Variants in MAN2A1 observed in about 807,000 individuals in gnomAD.
MAN2A1 encodes the protein alpha-mannosidase 2.
MAN2A1 carries 76 observed loss-of-function variants against 142.6 expected under a neutral mutation model. The ratio of observed to expected loss-of-function variants is 0.53; its 90% CI spans 0.44 to 0.65. The LOEUF (loss-of-function observed/expected upper bound fraction) is 0.65. Among genes scored for constraint, MAN2A1 ranks in the 30% least tolerant of loss-of-function variants. The pLI is 0.00. For synonymous variants in MAN2A1, 559 were observed against 473.2 expected (o/e 1.18, Z -2.35); for missense variants, 1,311 against 1,365.1 (o/e 0.96, Z 0.62).
At chr5:109,797,382 G>T (rs562940528) in intron 12 of MAN2A1, among the ~76,000 whole-genome samples, 1 of 152,214 alleles carries the variant, frequency 6.6e-6, no homozygotes, top group African/African-American at 2.4e-5. Flanking sequence ...ATTTGGAAGA[G>T]GAGAGGAGTG....
chr5:109,773,985 TATTCTCA>T (rs2112656282), intron 7 of MAN2A1, among the ~76,000 whole-genome samples: 1 of 152,306 alleles, frequency 6.6e-6, no homozygotes, highest in South Asian at 2.1e-4. Flanking sequence ...TCTTAGTTTG[TATTCTCA>T]GACTTTCTTA....
intron 12 of MAN2A1, among the ~76,000 whole-genome samples, chr5:109,797,123 A>G (rs1009139263): frequency 6.6e-6 from 1 of 152,202 alleles, no homozygotes; most frequent in Non-Finnish European, 1.5e-5. Flanking sequence ...CTTTGAGGAT[A>G]AGTGATTGAA....
At chr5:109,835,264 C>G (rs541811181) in intron 16 of MAN2A1, among the ~76,000 whole-genome samples, 1 of 152,000 alleles carries the variant, frequency 6.6e-6, no homozygotes, top group South Asian at 2.1e-4. Flanking sequence ...ATCAGAAGCC[C>G]TAGTTTTTTC....
intron 3 of MAN2A1, among the ~76,000 whole-genome samples, chr5:109,716,567 T>TA (rs1422157235): frequency 1.3e-5 from 2 of 152,212 alleles, no homozygotes; most frequent in African/African-American, 2.4e-5. Flanking sequence ...AGTAACTTTT[T>TA]AAAAAATATT....
intron 13 of MAN2A1, 79 bp downstream of exon 13, chr5:109,817,517 C>T: frequency 7.5e-7 from 1 of 1,337,536 alleles, no homozygotes; most frequent in Non-Finnish European, 1.0e-6. Flanking sequence ...GTACAGTAGC[C>T]CCCATTTAGC....
chr5:109,777,461 T>G (rs1276252833), intron 8 of MAN2A1, among the ~76,000 whole-genome samples: 2 of 152,120 alleles, frequency 1.3e-5, no homozygotes, highest in East Asian at 3.8e-4. Flanking sequence ...ACATTTTGAA[T>G]TCTATCTTTT....
intron 2 of MAN2A1, among the ~76,000 whole-genome samples, chr5:109,714,415 T>G (rs1386341392): frequency 6.6e-6 from 1 of 152,224 alleles, no homozygotes; most frequent in Non-Finnish European, 1.5e-5. Flanking sequence ...TTGGATATAC[T>G]GGATTAATGA....
At chr5:109,717,222 T>C (rs1751481857) in intron 3 of MAN2A1, among the ~76,000 whole-genome samples, 1 of 152,238 alleles carries the variant, frequency 6.6e-6, no homozygotes, top group Admixed American at 6.5e-5. Flanking sequence ...AGCATTCATT[T>C]ATCTTCTACT....
chr5:109,768,215 A>G (rs1357299682), intron 6 of MAN2A1, among the ~76,000 whole-genome samples: 3 of 146,222 alleles, frequency 2.1e-5, no homozygotes, highest in South Asian at 4.2e-4. Flanking sequence ...CTAAGGATAT[A>G]CTTGTGCAGC....
At position 109,867,672 on chromosome 5, in the gene MAN2A1, G is replaced by C. The variant is rs1451047118; in HGVS notation, c.*674G>C. The C allele has an allele frequency of 1.3e-5, 2 of 152,438 alleles. No homozygotes were observed. The highest frequency in any genetic ancestry group is 2.4e-5 in the African/African-American group (1 of 41,374). The allele number at this position is 152,438 out of a possible 1,614,324, so 9.4% of individuals were successfully genotyped here. On this transcript the variant is annotated 3_prime_UTR_variant, in exon 22 of 22. Transcript: ENST00000261483. ...CATATTTTCATTACTTGACAATGTGGGATGGGTGCAATTTATTCCATCTTC... is the reference window on the plus strand; with the variant it reads ...CATATTTTCATTACTTGACAATGTGCGATGGGTGCAATTTATTCCATCTTC...
At chr5:109,751,130 C>T (rs1372443810) in intron 4 of MAN2A1, among the ~76,000 whole-genome samples, 1 of 152,072 alleles carries the variant, frequency 6.6e-6, no homozygotes, top group Non-Finnish European at 1.5e-5. Flanking sequence ...CCCCTCTTCC[C>T]AATCGCTACC....
chr5:109,698,764 A>AT (rs560099708), intron 1 of MAN2A1, among the ~76,000 whole-genome samples: 1,602 of 150,300 alleles, frequency 0.011, 15 homozygotes, highest in African/African-American at 0.023. Flanking sequence ...TTTACCAATG[A>AT]TTTTTTTTTT....
In MAN2A1 at chr5:109,771,571, G is replaced by T. The variant is rs549160250; in HGVS notation, c.1196+1030G>T. ...ACTGCCCAAGGTTAGGGATTGACTTGATTTCATTTTCTTGGTTCCTACAGC... is the reference window on the plus strand; with the variant it reads ...ACTGCCCAAGGTTAGGGATTGACTTTATTTCATTTTCTTGGTTCCTACAGC... On this transcript the variant is annotated intron_variant, in intron 7 of 21. Coordinates refer to ENST00000261483, the MANE Select transcript of MAN2A1 (RefSeq NM_002372.4). 6.6e-5 allele frequency among the ~76,000 whole-genome samples: 10 copies of T among 152,252 alleles called. No homozygotes were observed. The South Asian group carries it at 2.1e-3, about 32-fold the overall frequency.
rs1020769266 is a variant in MAN2A1, at chr5:109,796,692, C to A, written c.1943+7165C>A. ...TGATATTCTTTGTTGAAGAAAGAAG[C>A]CTTCCCTTTGTTCAGAATCAGAGCT... On this transcript the variant is annotated intron_variant, in intron 12 of 21. Coordinates refer to ENST00000261483, the MANE Select transcript of MAN2A1 (RefSeq NM_002372.4). Among the ~76,000 whole-genome samples the A allele has an allele frequency of 3.3e-5, 5 of 152,140 alleles. No homozygotes were observed. The East Asian group carries it at 7.7e-4, about 23-fold the overall frequency.
At chr5:109,794,289 C>T (rs2112685856) in intron 12 of MAN2A1, 1 of 152,100 alleles carries the variant, frequency 6.6e-6, no homozygotes, top group East Asian at 1.9e-4. Context: ...ACTTTGTGCT[C>T]AACTGTGGAG....
At chr5:109,819,572 A>T (rs1219942770) in intron 13 of MAN2A1, 97 bp from the exon 14 acceptor site, 6 of 673,688 alleles carry the variant, frequency 8.9e-6, no homozygotes, top group Non-Finnish European at 1.4e-5. Context: ...CTTTTTAAAA[A>T]ATATGATAGT....
At chr5:109,795,953 C>G (rs1322861189) in intron 12 of MAN2A1, among the ~76,000 whole-genome samples, 1 of 152,170 alleles carries the variant, frequency 6.6e-6, no homozygotes, top group African/African-American at 2.4e-5. Flanking sequence ...TGTTAGCTAG[C>G]AGGCCAATGT....
chr5:109,828,119 G>A (rs12653938), intron 16 of MAN2A1, among the ~76,000 whole-genome samples: 20 of 137,618 alleles, frequency 1.5e-4, no homozygotes, highest in African/African-American at 1.5e-4. Context: ...AAAAAAAAAA[G>A]AAAAAAAGAA....
At chr5:109,714,099 T>C (rs539386147) in intron 2 of MAN2A1, among the ~76,000 whole-genome samples, 1 of 152,094 alleles carries the variant, frequency 6.6e-6, no homozygotes, top group Non-Finnish European at 1.5e-5. Context: ...TTTACCTTCC[T>C]TTGGAGAATA....
Sources: gnomAD v4.1 joint callset for allele counts (sites outside exome capture counted in the v4.1 genomes callset) on GRCh38, gnomAD v4.1.1 for gene constraint, MANE v1.5 for transcripts, NCBI Gene and HGNC (gene_info 2026-07-23, HGNC 2026-07-21) for gene names.